The following HCN1 variants were observed in gnomAD, a reference collection of about 807,000 sequenced individuals.
HCN1 encodes the protein potassium/sodium hyperpolarization-activated cyclic nucleotide-gated channel 1.
A neutral mutation model predicts 78.9 loss-of-function variants in HCN1; 13 were observed. The ratio of observed to expected loss-of-function variants is 0.16; its 90% CI spans 0.11 to 0.26. HCN1 has a LOEUF of 0.26. Ranked by LOEUF, HCN1 falls within the 10% of genes least tolerant of loss-of-function variation. The pLI is 1.00. For synonymous variants in HCN1, 552 were observed against 455.5 expected (o/e 1.21, Z -2.70); for missense variants, 810 against 1,154.3 (o/e 0.70, Z 4.32).
At chr5:45,423,681 A>C (rs547085186) in intron 3 of HCN1, among the ~76,000 whole-genome samples, 4 of 152,322 alleles carry the variant, frequency 2.6e-5, no homozygotes, top group Admixed American at 1.3e-4. Context: ...TTTGTTAGCC[A>C]ATCTGTACAG....
At chr5:45,461,546 T>C (rs1741157434) in intron 3 of HCN1, among the ~76,000 whole-genome samples, 1 of 152,150 alleles carries the variant, frequency 6.6e-6, no homozygotes, top group Admixed American at 6.6e-5. Context: ...GAAAGAATGC[T>C]GTACTGTGGT....
At chr5:45,327,899 C>A (rs1746267974) in intron 5 of HCN1, among the ~76,000 whole-genome samples, 1 of 151,622 alleles carries the variant, frequency 6.6e-6, no homozygotes. Flanking sequence ...CTTCCAGTCT[C>A]CAGAACTGTG....
At chr5:45,309,610 T>A (rs1745811436) in intron 5 of HCN1, among the ~76,000 whole-genome samples, 1 of 152,174 alleles carries the variant, frequency 6.6e-6, no homozygotes, top group Non-Finnish European at 1.5e-5. Context: ...CTTTCCTGCA[T>A]CTATTGAGAT....
intron 6 of HCN1, among the ~76,000 whole-genome samples, chr5:45,288,417 C>T (rs900889529): frequency 4.6e-4 from 70 of 151,972 alleles, no homozygotes; most frequent in African/African-American, 1.6e-3. Context: ...AAAAAGAATA[C>T]ACCCTTCAAG....
chr5:45,289,505 T>C (rs1561090262), intron 6 of HCN1, among the ~76,000 whole-genome samples: 1 of 151,970 alleles, frequency 6.6e-6, no homozygotes, highest in African/African-American at 2.4e-5. Context: ...AGAATAATAG[T>C]TTGCACAACT....
chr5:45,422,765 T>G (rs1740254171), intron 3 of HCN1, among the ~76,000 whole-genome samples: 1 of 152,136 alleles, frequency 6.6e-6, no homozygotes, highest in Non-Finnish European at 1.5e-5. Context: ...ATATATCACT[T>G]AACTCTCCCA....
intron 6 of HCN1, among the ~76,000 whole-genome samples, chr5:45,273,015 A>G (rs1744988512): frequency 6.6e-6 from 1 of 152,064 alleles, no homozygotes. Context: ...AGAACTTCCC[A>G]GTGGTGTAAT....
At chr5:45,585,509 A>G (rs1354126870) in intron 2 of HCN1, among the ~76,000 whole-genome samples, 1 of 152,034 alleles carries the variant, frequency 6.6e-6, no homozygotes, top group Non-Finnish European at 1.5e-5. Flanking sequence ...TGATCGTCTG[A>G]AGCCTTCTCT....
chr5:45,303,637 C>T lies in HCN1; in HGVS notation c.1580G>A (p.Ser527Asn). Residue 527 changes from serine (S) to asparagine (N), a missense_variant, in exon 6 of 8, where the codon AGT (serine) becomes AAT (asparagine). Ser to Asn is a conservative substitution (Grantham distance 46, BLOSUM62 1). Around this residue, in one of 6 missense-constraint regions of HCN1, gnomAD observed 100 missense variants for 126.8 expected, o/e 0.79. Transcript: ENST00000303230. Reference sequence around the variant, plus strand: ...GCCATCTGTCAGCTTCATTTCTTTACTGGATTTTGTAATGACACCAGCAAC... The same window carrying T: ...GCCATCTGTCAGCTTCATTTCTTTATTGGATTTTGTAATGACACCAGCAAC... ...HGVAGVITKS[S>N]KEMKLTDGSY... The T allele has an allele frequency of 6.2e-7, 1 of 1,613,460 alleles. No individual in the cohort carries two copies. Among genetic ancestry groups the T allele is most frequent in the Non-Finnish European group, 8.5e-7 (1 of 1,179,652 alleles).
At chr5:45,515,800 C>A (rs534101185) in intron 2 of HCN1, among the ~76,000 whole-genome samples, 40 of 152,034 alleles carry the variant, frequency 2.6e-4, no homozygotes, top group South Asian at 1.2e-3. Context: ...CTACTGGTTT[C>A]ATGACAAACA....
intron 4 of HCN1, among the ~76,000 whole-genome samples, chr5:45,372,532 A>C: frequency 7.7e-6 from 1 of 129,150 alleles, no homozygotes; most frequent in South Asian, 2.4e-4. Flanking sequence ...AAATATATAA[A>C]ACATTTACAT....
chr5:45,453,965 T>G (rs1438639680), intron 3 of HCN1, among the ~76,000 whole-genome samples: 1 of 152,106 alleles, frequency 6.6e-6, no homozygotes, highest in East Asian at 1.9e-4. Flanking sequence ...GAATAGTGCT[T>G]CTTCTGCTAT....
chr5:45,583,835 T>C (rs549792501), intron 2 of HCN1, among the ~76,000 whole-genome samples: 32 of 152,334 alleles, frequency 2.1e-4, no homozygotes, highest in African/African-American at 7.2e-4. Flanking sequence ...GTTGGCAGTT[T>C]TGAGTGAGTT....
intron 2 of HCN1, among the ~76,000 whole-genome samples, chr5:45,573,489 TA>T (rs34691237): frequency 0.5 from 76,105 of 151,740 alleles, 20,418 homozygotes; most frequent in African/African-American, 0.69. Context: ...CGAAAATTGT[TA>T]AAAAAACACT....
At chr5:45,644,445 T>C (rs577306308) in intron 2 of HCN1, 3 of 152,308 alleles carry the variant, frequency 2.0e-5, no homozygotes, top group East Asian at 3.9e-4. Context: ...GAAACTCCAG[T>C]TGGCTGAGCC....
chr5:45,694,245 T>C lies in HCN1; in HGVS notation c.425+1424A>G, dbSNP rs577815613. Reference sequence around the variant, plus strand: ...AATGTTCTCTAGACTATAAACGTCATTAGGTTTTATAAGTTCTCCTTTGGA... The same window carrying C: ...AATGTTCTCTAGACTATAAACGTCACTAGGTTTTATAAGTTCTCCTTTGGA... On this transcript the variant is annotated intron_variant, in intron 1 of 7. Coordinates refer to ENST00000303230, the MANE Select transcript of HCN1 (RefSeq NM_021072.4). Among the ~76,000 whole-genome samples, 138 of 152,332 alleles carry C rather than the reference T, an allele frequency of 9.1e-4. 1 individual carries two copies. The highest frequency in any genetic ancestry group is 1.7e-3 in the Non-Finnish European group (114 of 68,018).
At chr5:45,683,274 G>C (rs1378368472) in intron 1 of HCN1, among the ~76,000 whole-genome samples, 1 of 151,640 alleles carries the variant, frequency 6.6e-6, no homozygotes, top group Admixed American at 6.6e-5. Flanking sequence ...TATGTTTTTA[G>C]TTTTTTTAGT....
intron 3 of HCN1, among the ~76,000 whole-genome samples, chr5:45,413,110 C>T (rs1216510701): frequency 2.0e-5 from 3 of 151,282 alleles, no homozygotes; most frequent in South Asian, 4.2e-4. Context: ...TAGAAAGTTG[C>T]CTAAGGACAA....
intron 2 of HCN1, among the ~76,000 whole-genome samples, chr5:45,496,217 A>T (rs1478508263): frequency 2.6e-5 from 4 of 152,088 alleles, no homozygotes; most frequent in Admixed American, 2.6e-4. Flanking sequence ...TTTGGCTGTG[A>T]ATCCATCTGG....
Sources: gnomAD v4.1 joint callset for allele counts (sites outside exome capture counted in the v4.1 genomes callset) on GRCh38, gnomAD v4.1.1 for gene constraint, gnomAD v4.1.1 regional missense constraint, MANE v1.5 for transcripts, NCBI Gene and HGNC (gene_info 2026-07-23, HGNC 2026-07-21) for gene names.